Variants in ANKFN1 observed in about 807,000 individuals in gnomAD.
ANKFN1 encodes ankyrin repeat and fibronectin type III domain containing 1, also known as ankyrin repeat and fibronectin type-III domain-containing protein 1.
Under a neutral mutation model 108.7 loss-of-function variants are expected in ANKFN1, and 74 were observed. That is an observed-to-expected ratio of 0.68 (90% CI 0.56 to 0.83). The LOEUF is 0.83. Among genes scored for constraint, ANKFN1 ranks in the 40% least tolerant of loss-of-function variants. ANKFN1 has a pLI of 0.00. For missense variants in ANKFN1, 1,505 were observed against 1,382.3 expected, an observed-to-expected ratio of 1.09 and a Z score of -1.41; for synonymous variants, 547 against 516.2, an observed-to-expected ratio of 1.06 and a Z score of -0.81.
intron 4 of ANKFN1, among the ~76,000 whole-genome samples, chr17:56,061,349 G>A (rs1904973727): frequency 7.9e-6 from 1 of 126,730 alleles, no homozygotes; most frequent in African/African-American, 3.1e-5. Context: ...TTGGCTCACT[G>A]CAACTTCTGC....
intron 3 of ANKFN1, among the ~76,000 whole-genome samples, chr17:56,258,537 A>G (rs2043417095): frequency 6.6e-6 from 1 of 152,154 alleles, no homozygotes; most frequent in African/African-American, 2.4e-5. Context: ...ATTTGGAATA[A>G]GGGGCTGGTA....
In ANKFN1 at chr17:56,498,896, C is replaced by G. The variant is rs1288510520; in HGVS notation, c.2442C>G (p.Val814=). The change falls in exon 20 of 21, where the codon GTC becomes GTG. Residue 814 remains valine (V), a synonymous_variant. Transcript: ENST00000682825. Reference sequence around the variant, plus strand: ...TTATTCCAAAGCAAATAGATGAAGTCTGGCGTGAAATGAGATGGATCATGG... The same window carrying G: ...TTATTCCAAAGCAAATAGATGAAGTGTGGCGTGAAATGAGATGGATCATGG... ...VLDFIQQIDE[V]WREMRWIMDA... is the part of the protein sequence containing the mutation. The G allele has an allele frequency of 6.5e-7, 1 of 1,535,352 alleles. No individual in the cohort carries two copies. The highest frequency in any genetic ancestry group is 1.4e-5 in the African/African-American group (1 of 72,980).
rs1021316342 is a variant in ANKFN1 at position 56,416,174 on chromosome 17, C to T, written c.911-24153C>T. ...TACGTAAAAATTTCTTCAGTAATAT[C>T]CCGCAAGCATAGGCAACCAAAGCAA... On this transcript the variant is annotated intron_variant, in intron 8 of 20. Transcript: ENST00000682825. 2.4e-4 allele frequency among the ~76,000 whole-genome samples: 36 copies of T among 152,106 alleles called. 1 individual carries two copies. The highest frequency in any genetic ancestry group is 1.2e-3 in the Admixed American group (19 of 15,254).
At chr17:56,067,729 A>T (rs28515177) in intron 4 of ANKFN1, among the ~76,000 whole-genome samples, 1 of 152,218 alleles carries the variant, frequency 6.6e-6, no homozygotes, top group Non-Finnish European at 1.5e-5. Flanking sequence ...TTGATTTTTT[A>T]AAAAGTCAAC....
rs1329010095 is a variant in ANKFN1, at chr17:56,312,898, T to C, written c.54-13323T>C. ...GGGGGCGGGCACGGTGGCTCATGCC[T>C]GTAATTTCAGCACTTTGGGAGGCCA... On this transcript the variant is annotated intron_variant, in intron 3 of 20. Coordinates refer to ENST00000682825, the MANE Select transcript of ANKFN1 (RefSeq NM_001370326.1). 3.9e-5 allele frequency among the ~76,000 whole-genome samples: 6 copies of C among 152,280 alleles called. No homozygotes were observed. The East Asian group carries it at 1.2e-3, about 29-fold the overall frequency.
intron 3 of ANKFN1, among the ~76,000 whole-genome samples, chr17:56,268,689 C>G (rs1002674744): frequency 1.3e-5 from 2 of 151,914 alleles, no homozygotes; most frequent in Admixed American, 1.3e-4. Flanking sequence ...GCTAGTTAGA[C>G]TAATAAAAGT....
intron 8 of ANKFN1, among the ~76,000 whole-genome samples, chr17:56,380,740 C>G (rs1266932579): frequency 6.6e-6 from 1 of 152,212 alleles, no homozygotes; most frequent in South Asian, 2.1e-4. Context: ...GGGAGGGGCG[C>G]CCGCCATTGC....
chr17:56,314,119 T>C (rs1021517637), intron 3 of ANKFN1, among the ~76,000 whole-genome samples: 5 of 152,238 alleles, frequency 3.3e-5, no homozygotes, highest in African/African-American at 9.6e-5. Flanking sequence ...TTTATTCCTT[T>C]TTTATTGTTG....
intron 8 of ANKFN1, among the ~76,000 whole-genome samples, chr17:56,422,528 ACTT>A (rs2048444056): frequency 1.3e-5 from 2 of 151,942 alleles, no homozygotes; most frequent in South Asian, 4.1e-4. Context: ...CACTTCAACT[ACTT>A]CTCTGAATAT....
At chr17:56,065,786 T>C (rs1051849982) in intron 4 of ANKFN1, among the ~76,000 whole-genome samples, 1 of 151,902 alleles carries the variant, frequency 6.6e-6, no homozygotes, top group Non-Finnish European at 1.5e-5. Flanking sequence ...GATCACTGAT[T>C]GTAGGTCACC....
intron 6 of ANKFN1, among the ~76,000 whole-genome samples, chr17:56,361,001 C>T (rs1282377565): frequency 4.6e-5 from 7 of 152,052 alleles, no homozygotes; most frequent in African/African-American, 7.2e-5. Context: ...TTTCCCCACC[C>T]CTAGCCCATA....
At chr17:56,376,329 A>C (rs1393249264) in intron 8 of ANKFN1, among the ~76,000 whole-genome samples, 1 of 152,114 alleles carries the variant, frequency 6.6e-6, no homozygotes, top group Non-Finnish European at 1.5e-5. Context: ...TTATCCCTGG[A>C]TTTTCTGTAT....
intron 8 of ANKFN1, among the ~76,000 whole-genome samples, chr17:56,376,610 T>A (rs1407510250): frequency 6.6e-6 from 1 of 152,196 alleles, no homozygotes; most frequent in African/African-American, 2.4e-5. Flanking sequence ...ATGAGTGAGC[T>A]ATCAGGAACC....
chr17:56,129,242 C>G (rs1178160940), intron 4 of ANKFN1, among the ~76,000 whole-genome samples: 2 of 152,154 alleles, frequency 1.3e-5, no homozygotes, highest in African/African-American at 4.8e-5. Context: ...GGAGATGACG[C>G]TTCTTCTCAT....
chr17:56,467,769 AAGAAAGAAAG>A (rs759438253), intron 15 of ANKFN1, among the ~76,000 whole-genome samples: 2 of 116,058 alleles, frequency 1.7e-5, no homozygotes, highest in South Asian at 2.6e-4. Context: ...GAAAGAAAGA[AAGAAAGAAAG>A]AAAGAAAGAA....
intron 4 of ANKFN1, among the ~76,000 whole-genome samples, chr17:56,123,126 A>G (rs923439614): frequency 1.6e-4 from 25 of 152,206 alleles, no homozygotes; most frequent in African/African-American, 5.8e-4. Flanking sequence ...TGAGGCATGG[A>G]CAGGTTAGGT....
At chr17:56,293,307 C>A (rs540221585) in intron 3 of ANKFN1, among the ~76,000 whole-genome samples, 1 of 152,184 alleles carries the variant, frequency 6.6e-6, no homozygotes, top group Non-Finnish European at 1.5e-5. Context: ...CTAATCTTCT[C>A]CCCATCTTGT....
At chr17:56,456,276 G>A (rs1368071447) in intron 11 of ANKFN1, among the ~76,000 whole-genome samples, 1 of 151,978 alleles carries the variant, frequency 6.6e-6, no homozygotes, top group Admixed American at 6.6e-5. Context: ...AAAGCAGAGA[G>A]TATCAACAGA....
chr17:56,308,848 C>T (rs2044923895), intron 3 of ANKFN1, among the ~76,000 whole-genome samples: 1 of 152,122 alleles, frequency 6.6e-6, no homozygotes, highest in African/African-American at 2.4e-5. Flanking sequence ...CGCCTTTTAT[C>T]TGTTAATATG....
Sources: gnomAD v4.1 joint callset for allele counts (sites outside exome capture counted in the v4.1 genomes callset) on GRCh38, gnomAD v4.1.1 for gene constraint, MANE v1.5 for transcripts, NCBI Gene and HGNC (gene_info 2026-07-23, HGNC 2026-07-21) for gene names.